Variants in HRG observed in about 807,000 individuals in gnomAD.
The protein encoded by HRG is histidine rich glycoprotein, also known as histidine-rich glycoprotein.
Under a neutral mutation model 29.5 loss-of-function variants are expected in HRG, and 26 were observed. That is an observed-to-expected ratio of 0.88 (90% CI 0.65 to 1.22). The LOEUF (loss-of-function observed/expected upper bound fraction) is 1.22. Ranked by LOEUF, HRG falls within the 50% of genes most tolerant of loss-of-function variation. HRG has a pLI of 0.00. For synonymous variants in HRG, 243 were observed against 240.4 expected, an observed-to-expected ratio of 1.01 and a Z score of -0.10; for missense variants, 671 against 654.5, an observed-to-expected ratio of 1.03 and a Z score of -0.28.
At chr3:186,674,660 T>A in intron 5 of HRG, 1 of 326,834 alleles carries the variant, frequency 3.1e-6, no homozygotes, top group Non-Finnish European at 6.0e-6. Flanking sequence ...CTTTATGCTA[T>A]ACAGATGCCC....
At chr3:186,668,729 C>G in intron 1 of HRG, 2 of 548,760 alleles carry the variant, frequency 3.6e-6, no homozygotes. Flanking sequence ...GAAGACAAAT[C>G]AGGACCACTT....
At chr3:186,675,606 T>G (rs776699740) in intron 6 of HRG, among the ~76,000 whole-genome samples, 2 of 152,170 alleles carry the variant, frequency 1.3e-5, no homozygotes, top group Non-Finnish European at 1.5e-5. Flanking sequence ...TTCCTAAGCT[T>G]ATATTATTGG....
Position 186,669,037 on chromosome 3 carries a change from C to G in HRG, c.286C>G (p.Arg96Gly). Residue 96 changes from arginine (R) to glycine (G), a missense_variant, in exon 2 of 7, where the codon CGT becomes GGT. By Grantham distance (125) the Arg-to-Gly change is moderately radical. Transcript: ENST00000232003. ...WNDCEPPDSRRPSEIVIGQCK... is the reference protein window; with the variant it reads ...WNDCEPPDSRGPSEIVIGQCK... Reference sequence around the variant, plus strand: ...TGACTGTGAGCCACCTGATTCCAGACGTCCATCTGAAATAGTAAGTAAAGA... The same window carrying G: ...TGACTGTGAGCCACCTGATTCCAGAGGTCCATCTGAAATAGTAAGTAAAGA... The G allele has an allele frequency of 6.3e-7, 1 of 1,585,910 alleles. No individual in the cohort carries two copies. Among genetic ancestry groups the G allele is most frequent in the South Asian group, 1.1e-5 (1 of 90,580 alleles).
At chr3:186,668,736 A>T (rs1355471434) in intron 1 of HRG, 199 bp from the exon 2 acceptor site, 1 of 561,518 alleles carries the variant, frequency 1.8e-6, no homozygotes, top group African/African-American at 1.9e-5. Context: ...AATCAGGACC[A>T]CTTAAAAAGA....
At position 186,677,838 on chromosome 3, in the gene HRG, G is replaced by A; in HGVS notation, c.1533G>A (p.Gly511=). 1 of 1,614,070 alleles carries A rather than the reference G, an allele frequency of 6.2e-7. No individual in the cohort carries two copies. Among genetic ancestry groups the A allele is most frequent in the Non-Finnish European group, 8.5e-7 (1 of 1,179,950 alleles). Reference sequence around the variant, plus strand: ...CATGTCCAGGGAAGTTCAAGAGTGGGTTTCCACAAGTTTCCATGTTTTTTA... The same window carrying A: ...CATGTCCAGGGAAGTTCAAGAGTGGATTTCCACAAGTTTCCATGTTTTTTA... The part of the protein sequence containing the change: ...SESCPGKFKS[G]FPQVSMFFTH... Residue 511 remains glycine (G), a synonymous_variant, in exon 7 of 7, where the codon GGG becomes GGA. Transcript: ENST00000232003.
chr3:186,677,020 T>C, intron 6 of HRG, 27 bp from the exon 7 acceptor site: 4 of 1,613,956 alleles, frequency 2.5e-6, no homozygotes, highest in Non-Finnish European at 3.4e-6. Flanking sequence ...TACATGATGA[T>C]AGGCACTTTT....
intron 2 of HRG, 36 bp downstream of exon 2, chr3:186,669,087 A>C: frequency 8.9e-7 from 1 of 1,126,194 alleles, no homozygotes; most frequent in South Asian, 1.2e-5. Flanking sequence ...TGCTCTTTTC[A>C]TTCTTATTTT....
chr3:186,667,457 C>T (rs926050183), intron 1 of HRG, among the ~76,000 whole-genome samples: 4 of 152,064 alleles, frequency 2.6e-5, no homozygotes, highest in African/African-American at 9.7e-5. Context: ...GAGGCCCTTC[C>T]CATTTTCTTC....
intron 5 of HRG, chr3:186,673,763 T>A (rs934971727): frequency 3.9e-5 from 6 of 152,170 alleles, no homozygotes; most frequent in African/African-American, 1.2e-4. Context: ...AACTTAGTTA[T>A]TCTCATACAA....
chr3:186,671,771 CGA>C lies in HRG; in HGVS notation c.546_547del (p.Arg182SerfsTer43). ...TTGCCTCTTTCAGAGTGGACCGAAT[CGA>C]GAGAGTTGCAAGAGTGGTGAGTCTC... ...DFASFRVDRIERVARVRGGEG... is the reference protein window; with the variant it reads ...DFASFRVDRIXRVARVRGGEG... On this transcript the variant is annotated frameshift_variant, in exon 4 of 7. Transcript: ENST00000232003. LOFTEE classifies it high-confidence loss of function. 6.2e-7 allele frequency: 1 copy of C among 1,613,728 alleles called. No homozygotes were observed. Among genetic ancestry groups the C allele is most frequent in the Non-Finnish European group, 8.5e-7 (1 of 1,179,800 alleles).
chr3:186,671,004 C>A (rs1718768293), intron 3 of HRG, among the ~76,000 whole-genome samples: 1 of 151,788 alleles, frequency 6.6e-6, no homozygotes, highest in African/African-American at 2.4e-5. Flanking sequence ...TCTCTCTGGG[C>A]AAAACTCTAT....
rs112158450 is a variant in HRG, at chr3:186,667,522, A to G, written c.183+1308A>G. ...CCATACTTTGAGATACCATGTTCTGAGCCCCAACAATAGCCAAGTGACCAA... is the reference window on the plus strand; with the variant it reads ...CCATACTTTGAGATACCATGTTCTGGGCCCCAACAATAGCCAAGTGACCAA... On this transcript the variant is annotated intron_variant, in intron 1 of 6. Coordinates refer to ENST00000232003, the MANE Select transcript of HRG (RefSeq NM_000412.5). Among the ~76,000 whole-genome samples the G allele has an allele frequency of 6.2e-3, 950 of 152,198 alleles. 5 individuals carry two copies. The highest frequency in any genetic ancestry group is 0.011 in the Non-Finnish European group (739 of 68,020).
intron 5 of HRG, chr3:186,673,501 A>C (rs935002998): frequency 7.3e-5 from 12 of 163,976 alleles, no homozygotes; most frequent in African/African-American, 2.6e-4. Flanking sequence ...AGGCACAGAG[A>C]ACATAAGCGA....
At position 186,669,009 on chromosome 3, in the gene HRG, G is replaced by A. The variant is rs767523702; in HGVS notation, c.258G>A (p.Trp86Ter). 6.2e-7 allele frequency: 1 copy of A among 1,611,594 alleles called. No individual in the cohort carries two copies. The highest frequency in any genetic ancestry group is 8.5e-7 in the Non-Finnish European group (1 of 1,177,666). The change falls in exon 2 of 7, where the codon TGG becomes TGA. Residue 86 changes from tryptophan to a stop codon, truncating the protein, a stop_gained. Coordinates refer to ENST00000232003, the MANE Select transcript of HRG (RefSeq NM_000412.5). LOFTEE classifies it high-confidence loss of function. Reference protein sequence around the residue: ...SDCSVLSRKYWNDCEPPDSRR... With the variant: ...SDCSVLSRKY The stretch of plus-strand genomic sequence containing the variant: ...GTTCGGTCCTATCCAGGAAATACTG[G>A]AATGACTGTGAGCCACCTGATTCCA...
rs755545501 is a variant in HRG at position 186,669,064 on chromosome 3, G to A, written c.300+13G>A. 1.5e-5 allele frequency: 20 copies of A among 1,333,024 alleles called. No individual in the cohort carries two copies. The South Asian group carries it at 2.0e-4, about 13-fold the overall frequency. 82.6% of individuals were successfully genotyped at this position (1,333,024 alleles called of 1,614,324 possible). On this transcript the variant is annotated intron_variant, in intron 2 of 6. Coordinates refer to ENST00000232003, the MANE Select transcript of HRG (RefSeq NM_000412.5). ...TCCATCTGAAATAGTAAGTAAAGAGGGCACCTTCACTCTGCTCTTTTCATT... is the reference window on the plus strand; with the variant it reads ...TCCATCTGAAATAGTAAGTAAAGAGAGCACCTTCACTCTGCTCTTTTCATT...
At position 186,669,051 on chromosome 3, in the gene HRG, A is replaced by T. The variant is rs768205675; in HGVS notation, c.300A>T (p.Ile100=). 7.9e-6 allele frequency: 12 copies of T among 1,514,342 alleles called. No individual in the cohort carries two copies. The highest frequency in any genetic ancestry group is 1.1e-5 in the Non-Finnish European group (12 of 1,088,648). 93.8% of individuals were successfully genotyped at this position (1,514,342 alleles called of 1,614,324 possible). A position where few individuals can be genotyped will look rare whatever the true frequency, so the allele number is the denominator to read the frequency against. The part of the protein sequence containing the change: ...EPPDSRRPSE[I]VIGQCKVIAT... ...CTGATTCCAGACGTCCATCTGAAATAGTAAGTAAAGAGGGCACCTTCACTC... is the reference window on the plus strand; with the variant it reads ...CTGATTCCAGACGTCCATCTGAAATTGTAAGTAAAGAGGGCACCTTCACTC... Residue 100 remains isoleucine (I), a splice_region_variant and synonymous_variant, in exon 2 of 7, where the codon ATA becomes ATT. Transcript: ENST00000232003.
At chr3:186,667,314 A>G (rs539191872) in intron 1 of HRG, 3 of 152,200 alleles carry the variant, frequency 2.0e-5, no homozygotes, top group African/African-American at 7.2e-5. Context: ...GGATTTATGG[A>G]TGCTTTCGGG....
At chr3:186,668,838 A>T in intron 1 of HRG, 97 bp from the exon 2 acceptor site, 5 of 727,206 alleles carry the variant, frequency 6.9e-6, no homozygotes, top group Non-Finnish European at 1.2e-5. Flanking sequence ...GAGGAACAGG[A>T]ATTCTGTTTA....
At chr3:186,673,478 G>C (rs1718872897) in intron 5 of HRG, 1 of 165,318 alleles carries the variant, frequency 6.0e-6, no homozygotes, top group African/African-American at 2.4e-5. Context: ...CAAATTAGCA[G>C]ATAGGGGAAC....
Sources: allele counts gnomAD v4.1 joint callset (sites outside exome capture counted in the v4.1 genomes callset), GRCh38; gene constraint gnomAD v4.1.1; transcripts MANE v1.5; gene names NCBI Gene and HGNC (gene_info 2026-07-23, HGNC 2026-07-21).